Variants in ALKBH8 observed in about 807,000 individuals in gnomAD.
ALKBH8 encodes the protein alkB homolog 8, tRNA methyltransferase.
Under a neutral mutation model 59.8 loss-of-function variants are expected in ALKBH8, and 36 were observed. The ratio of observed to expected loss-of-function variants is 0.60; its 90% confidence interval spans 0.46 to 0.79. The LOEUF (loss-of-function observed/expected upper bound fraction) is 0.79, where lower values mean the gene tolerates loss of function less well. Ranked by LOEUF, ALKBH8 falls within the 30% of genes least tolerant of loss-of-function variation. The pLI is 0.00. For missense variants in ALKBH8, 768 were observed against 801.0 expected, an observed-to-expected ratio of 0.96 and a Z score of 0.50; for synonymous variants, 276 against 273.6, an observed-to-expected ratio of 1.01 and a Z score of -0.09.
rs1347878096 is a variant in ALKBH8, at chr11:107,504,824, G to A, written c.1829C>T (p.Pro610Leu). 6.4e-7 allele frequency: 1 copy of A among 1,551,626 alleles called. No individual in the cohort carries two copies. Among genetic ancestry groups the A allele is most frequent in the Non-Finnish European group, 8.7e-7 (1 of 1,147,004 alleles). Residue 610 changes from proline to leucine, a missense_variant, in exon 12 of 12, where the codon CCA becomes CTA. Pro to Leu is a moderately conservative substitution (Grantham distance 98, BLOSUM62 -3). Coordinates refer to ENST00000428149, the MANE Select transcript of ALKBH8 (RefSeq NM_138775.3). The part of the protein sequence containing the change: ...GNPDKGKPVE[P>L]FGPIGSQDPS... ...GTCCTGGGATCCTATGGGACCAAAT[G>A]GCTCAACAGGTTTGCCTTTATCAGG...
chr11:107,522,513 G>A lies in ALKBH8; in HGVS notation c.1073C>T (p.Pro358Leu), dbSNP rs906963620. 2.6e-6 allele frequency: 4 copies of A among 1,551,448 alleles called. No homozygotes were observed. Among genetic ancestry groups the A allele is most frequent in the African/African-American group, 2.7e-5 (2 of 73,024 alleles). Reference protein sequence around the residue: ...VCDSQRKETPPSFPESDKEAS... With the variant: ...VCDSQRKETPLSFPESDKEAS... ...TTCTTTATCACTCTCTGGAAATGAG[G>A]GGGGAGTCTCTTTCCTCTGGCTATC... Residue 358 changes from proline (P) to leucine (L), a missense_variant, in exon 10 of 12, where the codon CCC becomes CTC. Transcript: ENST00000428149.
intron 8 of ALKBH8, among the ~76,000 whole-genome samples, chr11:107,531,710 C>A (rs1863602199): frequency 6.6e-6 from 1 of 152,182 alleles, no homozygotes; most frequent in African/African-American, 2.4e-5. Flanking sequence ...CAGAGCTTGG[C>A]CAACTTTTTC....
intron 6 of ALKBH8, among the ~76,000 whole-genome samples, chr11:107,550,472 G>T (rs771174634): frequency 1.3e-5 from 2 of 152,172 alleles, no homozygotes; most frequent in Non-Finnish European, 2.9e-5. Flanking sequence ...CAGCTGGTTT[G>T]CAGGAGCTAA....
intron 4 of ALKBH8, 86 bp downstream of exon 4, chr11:107,553,761 A>T (rs1864590017): frequency 2.8e-6 from 4 of 1,416,994 alleles, no homozygotes; most frequent in Non-Finnish European, 3.8e-6. Context: ...ATTTTGAGGA[A>T]ATATTAATAA....
intron 2 of ALKBH8, among the ~76,000 whole-genome samples, chr11:107,560,043 GA>G (rs1349912590): frequency 6.6e-6 from 1 of 152,040 alleles, no homozygotes; most frequent in African/African-American, 2.4e-5. Context: ...AGATTCTCTG[GA>G]ATCTAACAAT....
intron 10 of ALKBH8, among the ~76,000 whole-genome samples, chr11:107,514,150 A>G (rs1413279227): frequency 3.3e-5 from 5 of 152,188 alleles, no homozygotes; most frequent in African/African-American, 1.2e-4. Flanking sequence ...GAAGAATGTA[A>G]TATTGTCTCT....
chr11:107,528,785 AT>A (rs1863455183), intron 8 of ALKBH8, among the ~76,000 whole-genome samples: 1 of 152,322 alleles, frequency 6.6e-6, no homozygotes, highest in East Asian at 1.9e-4. Flanking sequence ...CTGCACTCAA[AT>A]TATAATCAAA....
rs150490382 is a variant in ALKBH8 at position 107,556,849 on chromosome 11, C to G, written c.284G>C (p.Arg95Thr). 22 of 1,594,690 alleles carry G rather than the reference C, an allele frequency of 1.4e-5. No individual in the cohort carries two copies. The highest frequency in any genetic ancestry group is 6.8e-5 in the African/African-American group (5 of 73,612). ...TTTTCCATTGAGGGTAACATAGGCT[C>G]TCTTAGATTCTTCTGTAGTTCTGTA... ...ARYRTTEESK[R>T]AYVTLNGKEV... is the part of the protein sequence containing the mutation. Residue 95 changes from arginine (R) to threonine (T), a missense_variant, in exon 3 of 12, where the codon AGA becomes ACA. By Grantham distance (71) the Arg-to-Thr change is moderately conservative. Coordinates refer to ENST00000428149, the MANE Select transcript of ALKBH8 (RefSeq NM_138775.3).
intron 7 of ALKBH8, among the ~76,000 whole-genome samples, chr11:107,541,973 T>C (rs1015077744): frequency 2.6e-5 from 4 of 151,996 alleles, no homozygotes; most frequent in African/African-American, 7.3e-5. Flanking sequence ...AATTAGGATA[T>C]CAATGAATGA....
chr11:107,533,434 G>A (rs929923816), intron 7 of ALKBH8, among the ~76,000 whole-genome samples: 1 of 152,096 alleles, frequency 6.6e-6, no homozygotes, highest in Non-Finnish European at 1.5e-5. Context: ...TAATACACAT[G>A]AAAATTCTCT....
At chr11:107,525,060 T>C (rs1863293018) in intron 9 of ALKBH8, among the ~76,000 whole-genome samples, 1 of 152,200 alleles carries the variant, frequency 6.6e-6, no homozygotes, top group Non-Finnish European at 1.5e-5. Context: ...CCAACTTCCC[T>C]GTTGGATTAA....
intron 7 of ALKBH8, among the ~76,000 whole-genome samples, chr11:107,534,590 T>C (rs769710332): frequency 6.6e-6 from 1 of 152,182 alleles, no homozygotes; most frequent in Non-Finnish European, 1.5e-5. Context: ...TAGGAAAATT[T>C]CAGCTTAAAC....
Position 107,513,218 on chromosome 11 carries a change from G to A in ALKBH8, c.1288-2182C>T, listed in dbSNP as rs145756008. Among the ~76,000 whole-genome samples, 62 of 151,980 alleles carry A rather than the reference G, an allele frequency of 4.1e-4. 1 individual carries two copies. The highest frequency in any genetic ancestry group is 7.5e-4 in the Non-Finnish European group (51 of 67,936). On this transcript the variant is annotated intron_variant, in intron 10 of 11. Coordinates refer to ENST00000428149, the MANE Select transcript of ALKBH8 (RefSeq NM_138775.3). ...CAAATTAACATGCAAAAAACAATCG[G>A]TCCCATTAAAAAGAGGGCAAAGGAC...
chr11:107,556,055 G>A lies in ALKBH8; in HGVS notation c.367+711C>T, dbSNP rs757171203. 1.6e-4 allele frequency among the ~76,000 whole-genome samples: 25 copies of A among 152,094 alleles called. 1 individual carries two copies. Among genetic ancestry groups the A allele is most frequent in the Non-Finnish European group, 2.5e-4 (17 of 68,008 alleles). ...AGCACTTTGGGAGGCCAAGGCAGGCGGATTACGAGGTCAGGAGTTCGAGGC... is the reference window on the plus strand; with the variant it reads ...AGCACTTTGGGAGGCCAAGGCAGGCAGATTACGAGGTCAGGAGTTCGAGGC... On this transcript the variant is annotated intron_variant, in intron 3 of 11. Coordinates refer to ENST00000428149, the MANE Select transcript of ALKBH8 (RefSeq NM_138775.3).
chr11:107,558,341 C>T (rs1290436772), intron 2 of ALKBH8, among the ~76,000 whole-genome samples: 1 of 152,202 alleles, frequency 6.6e-6, no homozygotes, highest in East Asian at 1.9e-4. Context: ...AACAAGCCCA[C>T]TAATACAATA....
chr11:107,563,725 CAT>C (rs1865024956), intron 1 of ALKBH8: 2 of 152,196 alleles, frequency 1.3e-5, no homozygotes, highest in African/African-American at 4.8e-5. Flanking sequence ...TAATATTTCA[CAT>C]GAGCAAACAC....
rs1356002797 is a variant in ALKBH8, at chr11:107,505,229, A to AT, written c.1438-15_1438-14insA. 4.0e-6 allele frequency: 6 copies of AT among 1,507,968 alleles called. No homozygotes were observed. Among genetic ancestry groups the AT allele is most frequent in the Non-Finnish European group, 5.3e-6 (6 of 1,127,308 alleles). 93.4% of individuals were successfully genotyped at this position (1,507,968 alleles called of 1,614,324 possible). Reference sequence around the variant, plus strand: ...CACTCTACGCTCCTAATGAAAAAAAACAAAACACATGATCAACCTGGAAGA... The same window carrying AT: ...CACTCTACGCTCCTAATGAAAAAAAATCAAAACACATGATCAACCTGGAAGA... On this transcript the variant is annotated splice_polypyrimidine_tract_variant and intron_variant, in intron 11 of 11. Transcript: ENST00000428149.
At chr11:107,543,494 C>T (rs1288128358) in intron 7 of ALKBH8, among the ~76,000 whole-genome samples, 10 of 152,264 alleles carry the variant, frequency 6.6e-5, no homozygotes, top group Admixed American at 2.0e-4. Flanking sequence ...CAACATGCTC[C>T]ATTCCTTCTA....
At chr11:107,555,623 C>A (rs547889951) in intron 3 of ALKBH8, among the ~76,000 whole-genome samples, 1 of 152,066 alleles carries the variant, frequency 6.6e-6, no homozygotes, top group Non-Finnish European at 1.5e-5. Context: ...TAAAATATAC[C>A]TTTAAAAGAG....
Sources: gnomAD v4.1 joint callset for allele counts (sites outside exome capture counted in the v4.1 genomes callset) on GRCh38, gnomAD v4.1.1 for gene constraint, MANE v1.5 for transcripts, NCBI Gene and HGNC (gene_info 2026-07-23, HGNC 2026-07-21) for gene names.